The following SLC38A9 variants were observed in gnomAD, a reference collection of about 807,000 sequenced individuals.
The protein encoded by SLC38A9 is neutral amino acid transporter 9.
A neutral mutation model predicts 62.3 loss-of-function variants in SLC38A9; 48 were observed. The ratio of observed to expected loss-of-function variants is 0.77; its 90% confidence interval spans 0.61 to 0.98. SLC38A9 has a LOEUF of 0.98. Ranked by LOEUF, SLC38A9 falls within the 50% of genes least tolerant of loss-of-function variation. SLC38A9 has a pLI of 0.00. For synonymous variants in SLC38A9, 204 were observed against 227.7 expected (o/e 0.90, Z 0.94); for missense variants, 541 against 679.8 (o/e 0.80, Z 2.27).
At chr5:55,683,097 G>A (rs1753261079) in intron 3 of SLC38A9, among the ~76,000 whole-genome samples, 1 of 152,136 alleles carries the variant, frequency 6.6e-6, no homozygotes, top group South Asian at 2.1e-4. Context: ...ATGATGGCAT[G>A]TAATATAAAT....
intron 10 of SLC38A9, among the ~76,000 whole-genome samples, chr5:55,651,547 C>A (rs1194573346): frequency 6.6e-6 from 1 of 151,902 alleles, no homozygotes. Flanking sequence ...CACACCTGGC[C>A]CCTTTTGCCA....
chr5:55,688,409 TCA>T (rs1221823239), intron 3 of SLC38A9, among the ~76,000 whole-genome samples: 1 of 142,416 alleles, frequency 7.0e-6, no homozygotes, highest in Non-Finnish European at 1.5e-5. Context: ...TAAGACAGTC[TCA>T]CTCTGTTGCC....
At chr5:55,689,734 C>T (rs1677638168) in intron 3 of SLC38A9, among the ~76,000 whole-genome samples, 1 of 152,166 alleles carries the variant, frequency 6.6e-6, no homozygotes, top group Admixed American at 6.5e-5. Flanking sequence ...ATACAGTCCC[C>T]AACTTACAGC....
chr5:55,670,906 T>G (rs1049563747), intron 4 of SLC38A9, among the ~76,000 whole-genome samples: 2 of 152,124 alleles, frequency 1.3e-5, no homozygotes, highest in African/African-American at 4.8e-5. Flanking sequence ...GGAAAAAAAT[T>G]ATCCTACCCA....
chr5:55,673,709 CTTTTTTTT>C (rs201596512), intron 3 of SLC38A9, among the ~76,000 whole-genome samples: 1 of 127,600 alleles, frequency 7.8e-6, no homozygotes. Context: ...TTAATCTAAT[CTTTTTTTT>C]TTTTTTTTTT....
intron 3 of SLC38A9, among the ~76,000 whole-genome samples, chr5:55,691,492 A>G (rs1442087219): frequency 6.6e-6 from 1 of 152,226 alleles, no homozygotes; most frequent in Non-Finnish European, 1.5e-5. Flanking sequence ...CTGAAAAACA[A>G]GAGAAGCTCA....
At chr5:55,680,215 C>A (rs57009329) in intron 3 of SLC38A9, among the ~76,000 whole-genome samples, 3,202 of 32,284 alleles carry the variant, frequency 0.099, 53 homozygotes, top group African/African-American at 0.12. Context: ...GTGTATATAT[C>A]TATATATATA....
chr5:55,670,186 C>T (rs1348275380), intron 4 of SLC38A9, among the ~76,000 whole-genome samples: 3 of 95,210 alleles, frequency 3.2e-5, no homozygotes, highest in African/African-American at 9.6e-5. Flanking sequence ...AGGATGGTCT[C>T]GATCTCCTGA....
intron 14 of SLC38A9, among the ~76,000 whole-genome samples, chr5:55,632,506 T>C (rs897850079): frequency 6.6e-6 from 1 of 152,078 alleles, no homozygotes; most frequent in Non-Finnish European, 1.5e-5. Context: ...AAGTAAGGAT[T>C]GTTGGACTCA....
Position 55,689,914 on chromosome 5 carries a change from A to G in SLC38A9, c.113+7932T>C, listed in dbSNP as rs1466650867. Among the ~76,000 whole-genome samples, 3 of 152,240 alleles carry G rather than the reference A, an allele frequency of 2.0e-5. No homozygotes were observed. In the East Asian group the frequency reaches 5.8e-4, roughly 29 times the overall value. ...GAAGAAAAGATGATAAAGCAAAACTAGCTTCCAGGCAAGTAAACAAATAGT... is the reference window on the plus strand; with the variant it reads ...GAAGAAAAGATGATAAAGCAAAACTGGCTTCCAGGCAAGTAAACAAATAGT... On this transcript the variant is annotated intron_variant, in intron 3 of 15. Transcript: ENST00000396865.
intron 8 of SLC38A9, among the ~76,000 whole-genome samples, chr5:55,658,271 A>G (rs944635224): frequency 2.0e-5 from 3 of 152,134 alleles, no homozygotes; most frequent in Non-Finnish European, 4.4e-5. Flanking sequence ...CTCCTGCCTC[A>G]GCCTCCCGAG....
intron 12 of SLC38A9, among the ~76,000 whole-genome samples, chr5:55,642,524 T>C (rs1395215808): frequency 2.0e-5 from 3 of 152,224 alleles, no homozygotes; most frequent in East Asian, 3.9e-4. Flanking sequence ...CACAGCTTTA[T>C]GGATAGGATC....
At chr5:55,689,052 G>T (rs929982127) in intron 3 of SLC38A9, among the ~76,000 whole-genome samples, 1 of 152,174 alleles carries the variant, frequency 6.6e-6, no homozygotes, top group South Asian at 2.1e-4. Context: ...GTTAGAATAA[G>T]TATCAGGTCA....
chr5:55,629,675 T>C (rs911537801), intron 14 of SLC38A9, among the ~76,000 whole-genome samples: 2 of 152,166 alleles, frequency 1.3e-5, no homozygotes, highest in Non-Finnish European at 2.9e-5. Flanking sequence ...ACTCAGGTGT[T>C]TGACAGAGAT....
intron 10 of SLC38A9, among the ~76,000 whole-genome samples, 172 bp downstream of exon 10, chr5:55,652,357 C>CAAAAAAAAAAAAA (rs60557392): frequency 4.1e-4 from 23 of 56,070 alleles, no homozygotes; most frequent in South Asian, 1.0e-3. Context: ...AACTCCGTCT[C>CAAAAAAAAAAAAA]AAAAAAAAAA....
intron 12 of SLC38A9, among the ~76,000 whole-genome samples, chr5:55,638,470 G>A (rs1744832056): frequency 6.6e-6 from 1 of 152,192 alleles, no homozygotes; most frequent in Non-Finnish European, 1.5e-5. Flanking sequence ...AACTGACTCT[G>A]TCTTGTGAAT....
intron 2 of SLC38A9, among the ~76,000 whole-genome samples, chr5:55,709,420 A>T (rs953247414): frequency 3.3e-5 from 5 of 151,904 alleles, no homozygotes; most frequent in Non-Finnish European, 4.4e-5. Context: ...TATACTTTTT[A>T]AAAAATACCA....
intron 7 of SLC38A9, among the ~76,000 whole-genome samples, chr5:55,667,228 G>GT (rs34016533): frequency 0.6 from 90,067 of 151,108 alleles, 27,432 homozygotes; most frequent in South Asian, 0.7. Flanking sequence ...ATTATTTAGG[G>GT]TTTTTTTTGC....
intron 7 of SLC38A9, among the ~76,000 whole-genome samples, chr5:55,667,670 T>C (rs979522673): frequency 2.0e-5 from 3 of 152,086 alleles, no homozygotes; most frequent in Admixed American, 6.6e-5. Flanking sequence ...GGCTTTGTGT[T>C]AGGGGTGTGT....
Sources: gnomAD v4.1 joint callset for allele counts (sites outside exome capture counted in the v4.1 genomes callset) on GRCh38, gnomAD v4.1.1 for gene constraint, MANE v1.5 for transcripts, NCBI Gene and HGNC (gene_info 2026-07-23, HGNC 2026-07-21) for gene names.